MLXIP: variants seen among roughly 807,000 people sequenced by gnomAD.
MLXIP encodes MLX-interacting protein.
MLXIP carries 30 observed loss-of-function variants against 87.2 expected under a neutral mutation model. The ratio of observed to expected loss-of-function variants is 0.34; its 90% CI spans 0.26 to 0.47. The LOEUF is 0.47. Ranked by LOEUF, MLXIP falls within the 20% of genes least tolerant of loss-of-function variation. The probability of loss-of-function intolerance (pLI) is 1.00; values close to 1 mark genes in which losing one functional copy is unlikely to be tolerated. For missense variants in MLXIP, 1,002 were observed against 1,240.1 expected, an observed-to-expected ratio of 0.81 and a Z score of 2.88; for synonymous variants, 530 against 514.0, an observed-to-expected ratio of 1.03 and a Z score of -0.42.
intron 1 of MLXIP, among the ~76,000 whole-genome samples, chr12:122,085,792 G>A (rs975625729): frequency 3.3e-5 from 5 of 152,280 alleles, no homozygotes; most frequent in South Asian, 2.1e-4. Flanking sequence ...TGTTCGTATC[G>A]TGGCTTGCTT....
At chr12:122,140,716 C>T in intron 15 of MLXIP, 1 of 618,944 alleles carries the variant, frequency 1.6e-6, no homozygotes, top group Non-Finnish European at 2.9e-6. Flanking sequence ...GTCCCTGTCC[C>T]CTGCCTGCTC....
rs568631161 is a variant in MLXIP, at chr12:122,086,219, G to C, written c.413+6953G>C. ...ACCCAAATCAGACCTCTGACCTCTA[G>C]AACTGTAAAATCATAAAGTCTGTTG... On this transcript the variant is annotated intron_variant, in intron 1 of 16. Coordinates refer to ENST00000319080, the MANE Select transcript of MLXIP (RefSeq NM_014938.6). 5.4e-4 allele frequency among the ~76,000 whole-genome samples: 82 copies of C among 152,270 alleles called. 2 individuals are homozygous for C. In the South Asian group the frequency reaches 0.015, roughly 27 times the overall value.
chr12:122,107,429 C>T (rs1019026120), intron 1 of MLXIP, among the ~76,000 whole-genome samples: 3 of 152,132 alleles, frequency 2.0e-5, no homozygotes, highest in Non-Finnish European at 4.4e-5. Flanking sequence ...TCCAGAGTCA[C>T]GGTGAGGCTT....
chr12:122,085,198 T>C (rs886841298), intron 1 of MLXIP, among the ~76,000 whole-genome samples: 1 of 152,090 alleles, frequency 6.6e-6, no homozygotes, highest in South Asian at 2.1e-4. Context: ...CCAGAGTGCA[T>C]GAACATCGCA....
intron 1 of MLXIP, among the ~76,000 whole-genome samples, chr12:122,107,935 T>C (rs1952546047): frequency 6.6e-6 from 1 of 152,126 alleles, no homozygotes; most frequent in Admixed American, 6.6e-5. Context: ...TCTCTGGCTC[T>C]CCCCTGGCCG....
chr12:122,085,255 G>T (rs1401148475), intron 1 of MLXIP, among the ~76,000 whole-genome samples: 1 of 151,506 alleles, frequency 6.6e-6, no homozygotes, highest in Non-Finnish European at 1.5e-5. Flanking sequence ...GTCATTATGT[G>T]ATCCCGGCTT....
At position 122,127,388 on chromosome 12, in the gene MLXIP, G is replaced by T. The variant is rs372018750; in HGVS notation, c.520+26G>T. 53 of 1,544,188 alleles carry T rather than the reference G, an allele frequency of 3.4e-5. No individual in the cohort carries two copies. In the East Asian group the frequency reaches 1.1e-3, roughly 33 times the overall value. ...GTAAGTGCCGCCCAGCCTGGGCGCCGGTGGTGGTCAGAACTTCACGGCCTG... is the reference window on the plus strand; with the variant it reads ...GTAAGTGCCGCCCAGCCTGGGCGCCTGTGGTGGTCAGAACTTCACGGCCTG... On this transcript the variant is annotated intron_variant, in intron 2 of 16. Coordinates refer to ENST00000319080, the MANE Select transcript of MLXIP (RefSeq NM_014938.6).
In MLXIP at chr12:122,117,366, G is replaced by A. The variant is rs923974446; in HGVS notation, c.414-9890G>A. ...AGCCATTGGCAGTGGCCCCTCCCGC[G>A]TGCCAGCTCCTCAATGAACCTTTGT... On this transcript the variant is annotated intron_variant, in intron 1 of 16. Transcript: ENST00000319080. 3.9e-5 allele frequency among the ~76,000 whole-genome samples: 6 copies of A among 152,206 alleles called. No homozygotes were observed. In the East Asian group the frequency reaches 5.8e-4, roughly 15 times the overall value.
intron 12 of MLXIP, 158 bp from the exon 13 acceptor site, chr12:122,138,036 G>A (rs964957061): frequency 2.1e-5 from 4 of 187,790 alleles, no homozygotes; most frequent in Non-Finnish European, 4.0e-5. Context: ...TTGTCCCTCC[G>A]GCTCCTCATT....
At chr12:122,085,266 AC>A (rs202053923) in intron 1 of MLXIP, among the ~76,000 whole-genome samples, 4,619 of 152,198 alleles carry the variant, frequency 0.03, 216 homozygotes, top group African/African-American at 0.11. Flanking sequence ...ATCCCGGCTT[AC>A]CAGAATCCCT....
chr12:122,094,871 TTGG>T (rs1952324797), intron 1 of MLXIP, among the ~76,000 whole-genome samples: 1 of 144,808 alleles, frequency 6.9e-6, no homozygotes, highest in Non-Finnish European at 1.5e-5. Context: ...TGGTGTGGTG[TTGG>T]TGTGTGTGGT....
chr12:122,132,239 C>T, intron 7 of MLXIP, 53 bp from the exon 8 acceptor site: 1 of 1,432,690 alleles, frequency 7.0e-7, no homozygotes, highest in Non-Finnish European at 9.7e-7. Flanking sequence ...AGTCTTGATT[C>T]CAGCAAATGC....
chr12:122,125,123 G>A (rs922681855), intron 1 of MLXIP, among the ~76,000 whole-genome samples: 6 of 152,312 alleles, frequency 3.9e-5, no homozygotes, highest in Middle Eastern at 3.4e-3. Flanking sequence ...CTGAGGTCGC[G>A]CCATTGCACT....
chr12:122,084,144 TTGTGTGTGTGTG>T lies in MLXIP; in HGVS notation c.413+4916_413+4927del, dbSNP rs746678463. Among the ~76,000 whole-genome samples the T allele has an allele frequency of 3.5e-3, 488 of 138,242 alleles. 1 individual carries two copies. The highest frequency in any genetic ancestry group is 5.4e-3 in the African/African-American group (197 of 36,750). The allele number at this position is 138,242 out of a possible 152,430, so 90.7% of individuals were successfully genotyped here. A position where few individuals can be genotyped will look rare whatever the true frequency, so the allele number is the denominator to read the frequency against. On this transcript the variant is annotated intron_variant, in intron 1 of 16. Transcript: ENST00000319080. The stretch of plus-strand genomic sequence containing the variant: ...TACCGGGAAGGATATCTCAGCCAGA[TTGTGTGTGTGTG>T]TGTGTGTGTGTGTGTGTGTGTGTGT...
In MLXIP at chr12:122,141,718, G is replaced by T. The variant is rs1198788135; in HGVS notation, c.2666G>T (p.Ser889Ile). ...PMVLSTLRQLSTSTSILTDPA... is the reference protein window; with the variant it reads ...PMVLSTLRQLITSTSILTDPA... ...GTATTGAGCACGCTGCGGCAGCTGAGCACCTCCACCTCCATCCTCACAGAC... is the reference window on the plus strand; with the variant it reads ...GTATTGAGCACGCTGCGGCAGCTGATCACCTCCACCTCCATCCTCACAGAC... The change falls in exon 17 of 17, where the codon AGC becomes ATC. Residue 889 changes from serine (S) to isoleucine (I), a missense_variant. Transcript: ENST00000319080. 6.2e-7 allele frequency: 1 copy of T among 1,613,740 alleles called. No homozygotes were observed. Among genetic ancestry groups the T allele is most frequent in the Non-Finnish European group, 8.5e-7 (1 of 1,179,886 alleles).
rs777821070 is a variant in MLXIP at position 122,135,523 on chromosome 12, T to C, written c.1889T>C (p.Leu630Pro). ...GTCCCGGAGTTCCACAGCAGCATCC[T>C]GGTGACAGATCTCGGCCATGGCACG... ...PGVPEFHSSI[L>P]VTDLGHGTSS... Residue 630 changes from leucine (L) to proline (P), a missense_variant, in exon 11 of 17, where the codon CTG (leucine) becomes CCG (proline). By Grantham distance (98) the Leu-to-Pro change is moderately conservative. Transcript: ENST00000319080. This position sits in a 1 kb window ranked among gnomAD's most constrained non-coding sequence, Gnocchi z 5.3. 6.2e-7 allele frequency: 1 copy of C among 1,608,878 alleles called. No individual in the cohort carries two copies. Among genetic ancestry groups the C allele is most frequent in the Non-Finnish European group, 8.5e-7 (1 of 1,178,132 alleles).
At chr12:122,094,114 T>TTGTG (rs1189121142) in intron 1 of MLXIP, among the ~76,000 whole-genome samples, 14 of 128,088 alleles carry the variant, frequency 1.1e-4, no homozygotes, top group African/African-American at 3.8e-4. Flanking sequence ...GTGTGGTGTG[T>TTGTG]TGTGTGTGTT....
In MLXIP at chr12:122,141,028, C is replaced by G; in HGVS notation, c.2583C>G (p.His861Gln). ...MVSTSSLEELHRTALSWLDQH... is the reference protein window; with the variant it reads ...MVSTSSLEELQRTALSWLDQH... ...CCACCAGCAGCCTGGAGGAGCTGCA[C>G]CGGACGGCGCTCTCCTGGCTGGACC... The change falls in exon 16 of 17, where the codon CAC (histidine) becomes CAG (glutamine). Residue 861 changes from histidine to glutamine, a missense_variant. This residue lies in a region of MLXIP where 746 missense variants were observed against 897.0 expected (regional missense o/e 0.83). Coordinates refer to ENST00000319080, the MANE Select transcript of MLXIP (RefSeq NM_014938.6). 6.2e-7 allele frequency: 1 copy of G among 1,613,832 alleles called. No homozygotes were observed. The highest frequency in any genetic ancestry group is 8.5e-7 in the Non-Finnish European group (1 of 1,179,902).
At chr12:122,123,851 C>T (rs1952824654) in intron 1 of MLXIP, among the ~76,000 whole-genome samples, 1 of 152,180 alleles carries the variant, frequency 6.6e-6, no homozygotes, top group African/African-American at 2.4e-5. Context: ...AGACGCATGC[C>T]ACCATGCCCT....
Sources: allele counts gnomAD v4.1 joint callset (sites outside exome capture counted in the v4.1 genomes callset), GRCh38; gene constraint gnomAD v4.1.1; regional missense constraint gnomAD v4.1.1; non-coding constraint Gnocchi (gnomAD v3.1); transcripts MANE v1.5; gene names NCBI Gene and HGNC (gene_info 2026-07-23, HGNC 2026-07-21).